The following SYNDIG1 variants were observed in gnomAD, a reference collection of about 807,000 sequenced individuals.
SYNDIG1 encodes the protein synapse differentiation-inducing gene protein 1.
Under a neutral mutation model 19.4 loss-of-function variants are expected in SYNDIG1, and 9 were observed. The observed-to-expected ratio is 0.46, with a 90% CI of 0.28 to 0.81. The LOEUF (loss-of-function observed/expected upper bound fraction) is 0.81. Ranked by LOEUF, SYNDIG1 falls within the 30% of genes least tolerant of loss-of-function variation. The pLI is 0.12. For synonymous variants in SYNDIG1, 141 were observed against 145.9 expected, an observed-to-expected ratio of 0.97 and a Z score of 0.24; for missense variants, 311 against 343.3, an observed-to-expected ratio of 0.91 and a Z score of 0.74.
At chr20:24,551,461 G>A (rs114802704) in intron 2 of SYNDIG1, among the ~76,000 whole-genome samples, 379 of 151,592 alleles carry the variant, frequency 2.5e-3, no homozygotes, top group African/African-American at 8.8e-3. Flanking sequence ...TTTTTCTCTC[G>A]TTATTTAGTT....
intron 3 of SYNDIG1, among the ~76,000 whole-genome samples, chr20:24,617,594 C>A (rs772675076): frequency 1.3e-5 from 2 of 152,204 alleles, no homozygotes; most frequent in Non-Finnish European, 2.9e-5. Context: ...CAACCCATTT[C>A]ACCCTCAGAC....
intron 1 of SYNDIG1, among the ~76,000 whole-genome samples, chr20:24,535,760 T>A (rs1467673418): frequency 6.6e-6 from 1 of 152,198 alleles, no homozygotes; most frequent in Non-Finnish European, 1.5e-5. Context: ...GTGTTTTTTG[T>A]GTAAAATGCT....
intron 1 of SYNDIG1, among the ~76,000 whole-genome samples, chr20:24,512,151 A>G (rs886080902): frequency 9.7e-6 from 1 of 103,516 alleles, no homozygotes; most frequent in East Asian, 3.1e-4. Context: ...ATATATATAT[A>G]TATGCAGTGG....
rs1413263948 is a variant in SYNDIG1 at position 24,581,044 on chromosome 20, C to G, written c.481-3812C>G. Reference sequence around the variant, plus strand: ...TAGCAAGAAGCAGAGTCATCAGAGTCCTGGCAGGGAGAGGGGAGGAAGACA... The same window carrying G: ...TAGCAAGAAGCAGAGTCATCAGAGTGCTGGCAGGGAGAGGGGAGGAAGACA... On this transcript the variant is annotated intron_variant, in intron 2 of 3. Coordinates refer to ENST00000376862, the MANE Select transcript of SYNDIG1 (RefSeq NM_024893.3). Among the ~76,000 whole-genome samples the G allele has an allele frequency of 2.0e-5, 3 of 152,262 alleles. No individual in the cohort carries two copies. In the East Asian group the frequency reaches 5.8e-4, roughly 29 times the overall value.
rs145556893 is a variant in SYNDIG1, at chr20:24,577,920, G to C, written c.481-6936G>C. 1.6e-4 allele frequency among the ~76,000 whole-genome samples: 25 copies of C among 152,342 alleles called. 1 individual carries two copies. In the East Asian group the frequency reaches 4.8e-3, roughly 29 times the overall value. On this transcript the variant is annotated intron_variant, in intron 2 of 3. Coordinates refer to ENST00000376862, the MANE Select transcript of SYNDIG1 (RefSeq NM_024893.3). ...TGAATGCAGAGTATTCATGGGTAATGATAGGCCCAAAGGAAGGTGGAGCTG... is the reference window on the plus strand; with the variant it reads ...TGAATGCAGAGTATTCATGGGTAATCATAGGCCCAAAGGAAGGTGGAGCTG...
At chr20:24,635,572 A>G (rs1033141739) in intron 3 of SYNDIG1, among the ~76,000 whole-genome samples, 1 of 152,182 alleles carries the variant, frequency 6.6e-6, no homozygotes, top group African/African-American at 2.4e-5. Context: ...CTTATTAAAT[A>G]CTTAAGTTTC....
chr20:24,480,754 C>A (rs758115143), intron 1 of SYNDIG1, among the ~76,000 whole-genome samples: 1 of 152,168 alleles, frequency 6.6e-6, no homozygotes, highest in Non-Finnish European at 1.5e-5. Flanking sequence ...AGCGGATAAG[C>A]AAAATGTGCT....
chr20:24,517,068 G>T (rs1169825497), intron 1 of SYNDIG1, among the ~76,000 whole-genome samples: 1 of 151,974 alleles, frequency 6.6e-6, no homozygotes, highest in Non-Finnish European at 1.5e-5. Flanking sequence ...ACCAAACACC[G>T]CATGTTCTCA....
chr20:24,513,248 G>A (rs150988942), intron 1 of SYNDIG1, among the ~76,000 whole-genome samples: 3,728 of 152,256 alleles, frequency 0.024, 127 homozygotes, highest in African/African-American at 0.085. Flanking sequence ...GCAGCTCCTC[G>A]CCAGCAATGG....
chr20:24,513,959 G>A (rs1231116254), intron 1 of SYNDIG1, among the ~76,000 whole-genome samples: 1 of 152,110 alleles, frequency 6.6e-6, no homozygotes, highest in East Asian at 1.9e-4. Context: ...AACAGAGTGG[G>A]GGCCAATATT....
chr20:24,661,450 AG>A (rs2059591322), intron 3 of SYNDIG1, among the ~76,000 whole-genome samples: 1 of 138,506 alleles, frequency 7.2e-6, no homozygotes, highest in Non-Finnish European at 1.6e-5. Context: ...AGGAGGAAAG[AG>A]GGAGGAAGTA....
At chr20:24,646,627 T>TA (rs929933072) in intron 3 of SYNDIG1, among the ~76,000 whole-genome samples, 2 of 140,428 alleles carry the variant, frequency 1.4e-5, no homozygotes, top group Non-Finnish European at 3.1e-5. Flanking sequence ...ATGCTCAGTA[T>TA]TTTTTTTTTT....
At chr20:24,621,591 TG>T (rs2059038851) in intron 3 of SYNDIG1, among the ~76,000 whole-genome samples, 2 of 152,170 alleles carry the variant, frequency 1.3e-5, no homozygotes, top group African/African-American at 2.4e-5. Context: ...ATCCTTTTTT[TG>T]GGGGAAAACT....
At chr20:24,473,040 A>C (rs1301308402) in intron 1 of SYNDIG1, among the ~76,000 whole-genome samples, 1 of 152,162 alleles carries the variant, frequency 6.6e-6, no homozygotes. Flanking sequence ...CCTCATGCAC[A>C]TTGGAAAATG....
chr20:24,658,109 A>G lies in SYNDIG1; in HGVS notation c.619-7237A>G, dbSNP rs1210987339. On this transcript the variant is annotated intron_variant, in intron 3 of 3. Transcript: ENST00000376862. The surrounding 1 kb of genome is among the most constrained non-coding windows in gnomAD (Gnocchi z 4.4). ...CTAAAAACTGACTGCAGGAGAAACAATGCAGCCGGGGTAGACCTCAGAAAA... is the reference window on the plus strand; with the variant it reads ...CTAAAAACTGACTGCAGGAGAAACAGTGCAGCCGGGGTAGACCTCAGAAAA... 1.3e-5 allele frequency among the ~76,000 whole-genome samples: 2 copies of G among 152,074 alleles called. No individual in the cohort carries two copies. Among genetic ancestry groups the G allele is most frequent in the Non-Finnish European group, 2.9e-5 (2 of 68,008 alleles).
chr20:24,486,905 C>T (rs2055981310), intron 1 of SYNDIG1, among the ~76,000 whole-genome samples: 1 of 152,158 alleles, frequency 6.6e-6, no homozygotes, highest in Admixed American at 6.5e-5. Flanking sequence ...GATCCACCTG[C>T]CTCGGCCTCC....
intron 2 of SYNDIG1, among the ~76,000 whole-genome samples, chr20:24,556,819 A>G (rs2057830461): frequency 6.6e-6 from 1 of 152,070 alleles, no homozygotes. Flanking sequence ...TCTTCATGGC[A>G]TTCTCTGTAT....
intron 3 of SYNDIG1, among the ~76,000 whole-genome samples, chr20:24,623,875 A>G (rs1234886432): frequency 6.6e-6 from 1 of 152,214 alleles, no homozygotes; most frequent in African/African-American, 2.4e-5. Flanking sequence ...AAATCCAACA[A>G]CCTTACAAAG....
At chr20:24,540,170 T>G (rs1056819245) in intron 1 of SYNDIG1, among the ~76,000 whole-genome samples, 2 of 152,234 alleles carry the variant, frequency 1.3e-5, no homozygotes, top group Non-Finnish European at 2.9e-5. Flanking sequence ...TTGTTGCTAT[T>G]GTAAATGAAT....
Sources: gnomAD v4.1 joint callset for allele counts (sites outside exome capture counted in the v4.1 genomes callset) on GRCh38, gnomAD v4.1.1 for gene constraint, Gnocchi (gnomAD v3.1) non-coding constraint, MANE v1.5 for transcripts, NCBI Gene and HGNC (gene_info 2026-07-23, HGNC 2026-07-21) for gene names.